SUSD2: variants seen among roughly 807,000 people sequenced by gnomAD.
SUSD2 encodes the protein sushi domain-containing protein 2.
In SUSD2, 86 loss-of-function variants were observed where a neutral mutation model predicts 93.8. That is an observed-to-expected ratio of 0.92 (90% CI 0.77 to 1.10). The LOEUF (loss-of-function observed/expected upper bound fraction) is 1.10. Among genes scored for constraint, SUSD2 ranks in the 50% least tolerant of loss-of-function variants. SUSD2 has a pLI of 0.00. For missense variants in SUSD2, 1,060 were observed against 1,137.0 expected (o/e 0.93, Z 0.97); for synonymous variants, 483 against 485.0 (o/e 1.00, Z 0.05).
intron 1 of SUSD2, chr22:24,182,549 C>G: frequency 5.8e-6 from 1 of 171,482 alleles, no homozygotes; most frequent in Admixed American, 5.5e-5. Context: ...CATTCCCTAC[C>G]AGGCCTCAAA....
Position 24,188,498 on chromosome 22 carries a change from C to A in SUSD2, c.*62C>A. 4 of 1,517,738 alleles carry A rather than the reference C, an allele frequency of 2.6e-6. No individual in the cohort carries two copies. The highest frequency in any genetic ancestry group is 3.6e-6 in the Non-Finnish European group (4 of 1,105,094). 94.0% of individuals were successfully genotyped at this position (1,517,738 alleles called of 1,614,324 possible). On this transcript the variant is annotated 3_prime_UTR_variant, in exon 15 of 15. Transcript: ENST00000358321. This position sits in a 1 kb window ranked among gnomAD's most constrained non-coding sequence, Gnocchi z 4.7. ...CCTGAGAACAGGCAGCCCAGTCCTG[C>A]GACTCCCGCATCCCCAGGACCAGAC...
At chr22:24,182,856 G>T (rs1422832286) in intron 1 of SUSD2, 5 of 585,802 alleles carry the variant, frequency 8.5e-6, no homozygotes, top group Non-Finnish European at 1.5e-5. Flanking sequence ...CAGCCAGATG[G>T]TCTGTGCTAA....
chr22:24,187,461 G>A lies in SUSD2; in HGVS notation c.1891+11G>A, dbSNP rs367918931. ...TGTTTGGGGCCAACTGTGAGTGACC[G>A]TGGAGTATATGGGGCAGACGGGGTG... On this transcript the variant is annotated intron_variant, in intron 11 of 14. Coordinates refer to ENST00000358321, the MANE Select transcript of SUSD2 (RefSeq NM_019601.4). 20 of 1,612,412 alleles carry A rather than the reference G, an allele frequency of 1.2e-5. No homozygotes were observed. Among genetic ancestry groups the A allele is most frequent in the South Asian group, 1.1e-4 (10 of 91,086 alleles).
In SUSD2 at chr22:24,184,187, C is replaced by G; in HGVS notation, c.491C>G (p.Thr164Arg). The change falls in exon 4 of 15, where the codon ACG becomes AGG. Residue 164 changes from threonine to arginine, a missense_variant. By Grantham distance (71) the Thr-to-Arg change is moderately conservative. Around this residue, in one of 2 missense-constraint regions of SUSD2, gnomAD observed 973 missense variants for 1,005.3 expected, o/e 0.97. Coordinates refer to ENST00000358321, the MANE Select transcript of SUSD2 (RefSeq NM_019601.4). Reference protein sequence around the residue: ...MMEKSELVNETRWQYYGTANT... With the variant: ...MMEKSELVNERRWQYYGTANT... ...GAGAAGAGCGAGTTGGTGAACGAGA[C>G]GCGTTGGCAATACTACGGCACCGCC... 6.2e-7 allele frequency: 1 copy of G among 1,613,210 alleles called. No homozygotes were observed. The highest frequency in any genetic ancestry group is 1.1e-5 in the South Asian group (1 of 91,054).
In SUSD2 at chr22:24,186,398, G is replaced by A; in HGVS notation, c.1625G>A (p.Ser542Asn). The change falls in exon 10 of 15, where the codon AGC becomes AAC. Residue 542 changes from serine to asparagine, a missense_variant. By Grantham distance (46) the Ser-to-Asn change is conservative (BLOSUM62 1). Coordinates refer to ENST00000358321, the MANE Select transcript of SUSD2 (RefSeq NM_019601.4). ...NQEVLSFTEQ[S>N]WMDLKGMFLS... ...GAGGTGCTGAGCTTCACCGAGCAGA[G>A]CTGGATGGACCTGAAAGGTGAGCAG... The A allele has an allele frequency of 6.2e-7, 1 of 1,613,482 alleles. No homozygotes were observed. The highest frequency in any genetic ancestry group is 8.5e-7 in the Non-Finnish European group (1 of 1,180,020).
chr22:24,184,883 A>G lies in SUSD2; in HGVS notation c.725A>G (p.Gln242Arg). The change falls in exon 5 of 15, where the codon CAG (glutamine) becomes CGG (arginine). Residue 242 changes from glutamine (Q) to arginine (R), a missense_variant. Physicochemically the swap from Gln to Arg is conservative, Grantham distance 43. Coordinates refer to ENST00000358321, the MANE Select transcript of SUSD2 (RefSeq NM_019601.4). ...FTPKPAPPSY[Q>R]RWRVGALRII... ...CCAAAACCTGCTCCTCCCAGCTACCAGAGATGGCGAGTGGGTGCACTTCGG... is the reference window on the plus strand; with the variant it reads ...CCAAAACCTGCTCCTCCCAGCTACCGGAGATGGCGAGTGGGTGCACTTCGG... The G allele has an allele frequency of 1.2e-6, 2 of 1,614,046 alleles. No homozygotes were observed. The highest frequency in any genetic ancestry group is 1.7e-6 in the Non-Finnish European group (2 of 1,179,978).
chr22:24,187,792 A>G lies in SUSD2; in HGVS notation c.2113A>G (p.Thr705Ala). The change falls in exon 12 of 15, where the codon ACT becomes GCT. Residue 705 changes from threonine to alanine, a missense_variant. Thr to Ala is a moderately conservative substitution (Grantham distance 58). Around this residue, in one of 2 missense-constraint regions of SUSD2, gnomAD observed 973 missense variants for 1,005.3 expected, o/e 0.97. Transcript: ENST00000358321. ...ATGSLSTGTA[T>A]RVAHQLHQRR... ...TGGGAGCCTGAGCACGGGCACTGCC[A>G]CTCGGGTGGCCCACCAGCTGCACCA... The G allele has an allele frequency of 1.2e-6, 2 of 1,613,252 alleles. No homozygotes were observed. Among genetic ancestry groups the G allele is most frequent in the South Asian group, 1.1e-5 (1 of 91,056 alleles).
Position 24,186,017 on chromosome 22 carries a change from C to A in SUSD2, c.1341C>A (p.Ala447=). 6.2e-7 allele frequency: 1 copy of A among 1,607,034 alleles called. No homozygotes were observed. The highest frequency in any genetic ancestry group is 8.5e-7 in the Non-Finnish European group (1 of 1,176,052). The change falls in exon 9 of 15, where the codon GCC becomes GCA. Residue 447 remains alanine (A), a splice_region_variant and synonymous_variant. Coordinates refer to ENST00000358321, the MANE Select transcript of SUSD2 (RefSeq NM_019601.4). ...CGTGACCCTCCACTCTCACCCTAGCCTCCGCCTTCGGAGACCCACACTTTG... is the reference window on the plus strand; with the variant it reads ...CGTGACCCTCCACTCTCACCCTAGCATCCGCCTTCGGAGACCCACACTTTG... ...DCRNYRPPRL[A]SAFGDPHFVT...
intron 6 of SUSD2, 60 bp from the exon 7 acceptor site, chr22:24,185,426 C>G: frequency 6.5e-7 from 1 of 1,540,012 alleles, no homozygotes; most frequent in Non-Finnish European, 8.8e-7. Flanking sequence ...CAGGGTTGGC[C>G]TCAGGGAGGG....
Position 24,185,233 on chromosome 22 carries a change from G to A in SUSD2, c.922G>A (p.Glu308Lys). 6.2e-7 allele frequency: 1 copy of A among 1,609,142 alleles called. No homozygotes were observed. The highest frequency in any genetic ancestry group is 8.5e-7 in the Non-Finnish European group (1 of 1,179,934). ...ELEDQLPNFL[E>K]ELPDCPCTLT... ...GGAGGATCAGCTGCCCAACTTCCTG[G>A]AGGAGCTGCCGGACTGCCCCTGCAC... The change falls in exon 6 of 15, where the codon GAG becomes AAG. Residue 308 changes from glutamate to lysine, a missense_variant. Transcript: ENST00000358321.
Position 24,187,352 on chromosome 22 carries a change from C to T in SUSD2, c.1793C>T (p.Thr598Ile), listed in dbSNP as rs2148866575. ...ACCCACACCCACGGCCTCCTCGGGACACTCAACAACGACCCCACCGACGAC... is the reference window on the plus strand; with the variant it reads ...ACCCACACCCACGGCCTCCTCGGGATACTCAACAACGACCCCACCGACGAC... ...FLTHTHGLLGTLNNDPTDDFT... is the reference protein window; with the variant it reads ...FLTHTHGLLGILNNDPTDDFT... The change falls in exon 11 of 15, where the codon ACA becomes ATA. Residue 598 changes from threonine to isoleucine, a missense_variant. Transcript: ENST00000358321. The T allele has an allele frequency of 4.3e-6, 7 of 1,614,058 alleles. No individual in the cohort carries two copies. The East Asian group carries it at 1.6e-4, about 36-fold the overall frequency.
At chr22:24,183,789 C>T (rs1351319331) in intron 3 of SUSD2, 143 bp downstream of exon 3, 13 of 928,166 alleles carry the variant, frequency 1.4e-5, no homozygotes, top group Non-Finnish European at 1.9e-5. Flanking sequence ...TGCGAGAGTT[C>T]CTTCAGCTCC....
At chr22:24,186,233 C>T (rs778003084) in intron 9 of SUSD2, 24 bp from the exon 10 acceptor site, 3 of 1,611,730 alleles carry the variant, frequency 1.9e-6, no homozygotes, top group Admixed American at 1.7e-5. Flanking sequence ...CCAAGTGGCT[C>T]CCGTTCTGCT....
Position 24,188,211 on chromosome 22 carries a change from C to G in SUSD2, c.2342-14C>G, listed in dbSNP as rs191920359. 3.3e-3 allele frequency: 5,215 copies of G among 1,590,384 alleles called. 11 individuals are homozygous for G. The highest frequency in any genetic ancestry group is 4.0e-3 in the Non-Finnish European group (4,650 of 1,165,172). On this transcript the variant is annotated splice_polypyrimidine_tract_variant and intron_variant, in intron 13 of 14. Transcript: ENST00000358321. The surrounding 1 kb of genome is among the most constrained non-coding windows in gnomAD (Gnocchi z 4.7). Reference sequence around the variant, plus strand: ...CCCAGAGAGCCCCCTCACTGACACTCGCTCCCTCACCAGGACGCAGCTACG... The same window carrying G: ...CCCAGAGAGCCCCCTCACTGACACTGGCTCCCTCACCAGGACGCAGCTACG...
chr22:24,184,792 G>T lies in SUSD2; in HGVS notation c.634G>T (p.Ala212Ser). The T allele has an allele frequency of 6.2e-7, 1 of 1,608,236 alleles. No homozygotes were observed. The change falls in exon 5 of 15, where the codon GCA becomes TCA. Residue 212 changes from alanine to serine, a missense_variant. Coordinates refer to ENST00000358321, the MANE Select transcript of SUSD2 (RefSeq NM_019601.4). ...AATGCCCTACTCACAGGAGTGGACT[G>T]CAAAGTGGTCGTACCTGTACCCCCT... ...TGMPYSQEWT[A>S]KWSYLYPLAT...
chr22:24,184,753 T>A lies in SUSD2; in HGVS notation c.608-13T>A. 1 of 1,563,710 alleles carries A rather than the reference T, an allele frequency of 6.4e-7. No homozygotes were observed. The highest frequency in any genetic ancestry group is 8.7e-7 in the Non-Finnish European group (1 of 1,154,194). On this transcript the variant is annotated splice_polypyrimidine_tract_variant and intron_variant, in intron 4 of 14. Transcript: ENST00000358321. ...AAGGAACCCCAGGGCTAACCAGGCATCCTCTCCCTCAGGAATGCCCTACTC... is the reference window on the plus strand; with the variant it reads ...AAGGAACCCCAGGGCTAACCAGGCAACCTCTCCCTCAGGAATGCCCTACTC...
Position 24,182,523 on chromosome 22 carries a change from C to T in SUSD2, c.77-534C>T, listed in dbSNP as rs192857618. ...GCCCCTGGGAGAGCGAGAAGTGTCA[C>T]GTTCAGACCCTGCACCATTCCCTAC... On this transcript the variant is annotated intron_variant, in intron 1 of 14. Transcript: ENST00000358321. The T allele has an allele frequency of 7.2e-3, 1,150 of 159,854 alleles. 50 individuals carry two copies. Among genetic ancestry groups the T allele is most frequent in the Admixed American group, 0.061 (1,045 of 17,160 alleles). The allele number at this position is 159,854 out of a possible 1,614,324, so 9.9% of individuals were successfully genotyped here.
In SUSD2 at chr22:24,188,144, ACT is replaced by A. The variant is rs761249339; in HGVS notation, c.2341+12_2341+13del. On this transcript the variant is annotated intron_variant, in intron 13 of 14. Transcript: ENST00000358321. This position sits in a 1 kb window ranked among gnomAD's most constrained non-coding sequence, Gnocchi z 4.7. ...CCCGAAGTGCCAGCCAGGTGAGGAC[ACT>A]CTGCTCATACACCTGCCTGCACCTG... 9 of 1,610,336 alleles carry A rather than the reference ACT, an allele frequency of 5.6e-6. No homozygotes were observed. In the East Asian group the frequency reaches 1.6e-4, roughly 28 times the overall value.
At chr22:24,183,863 C>G in intron 3 of SUSD2, 1 of 659,560 alleles carries the variant, frequency 1.5e-6, no homozygotes. Flanking sequence ...GCAGGGGTCC[C>G]TAGAGAGGTG....
Sources: allele counts gnomAD v4.1 joint callset, GRCh38; gene constraint gnomAD v4.1.1; regional missense constraint gnomAD v4.1.1; non-coding constraint Gnocchi (gnomAD v3.1); transcripts MANE v1.5; gene names NCBI Gene and HGNC (gene_info 2026-07-23, HGNC 2026-07-21).